The following SYTL3 variants were observed in gnomAD, a reference collection of about 807,000 sequenced individuals.
SYTL3 encodes the protein synaptotagmin like 3.
SYTL3 carries 88 observed loss-of-function variants against 82.1 expected under a neutral mutation model. The observed-to-expected ratio is 1.07, with a 90% CI of 0.90 to 1.28. SYTL3 has a LOEUF of 1.28. Among genes scored for constraint, SYTL3 ranks in the 50% most tolerant of loss-of-function variants. The probability of loss-of-function intolerance (pLI) is 0.00; values close to 1 mark genes in which losing one functional copy is unlikely to be tolerated. For missense variants in SYTL3, 831 were observed against 757.6 expected, an observed-to-expected ratio of 1.10 and a Z score of -1.14; for synonymous variants, 311 against 289.4, an observed-to-expected ratio of 1.07 and a Z score of -0.76.
chr6:158,764,502 C>A lies in SYTL3; in HGVS notation c.1731C>A (p.Asp577Glu), dbSNP rs1790525630. 2 of 1,613,120 alleles carry A rather than the reference C, an allele frequency of 1.2e-6. No homozygotes were observed. The highest frequency in any genetic ancestry group is 1.3e-5 in the African/African-American group (1 of 74,894). Residue 577 changes from aspartate to glutamate, a missense_variant, in exon 18 of 18, where the codon GAC (aspartate) becomes GAA (glutamate). By Grantham distance (45) the Asp-to-Glu change is conservative. Transcript: ENST00000611299. ...LGGTRLGSKGDTAVGGDACSL... is the reference protein window; with the variant it reads ...LGGTRLGSKGETAVGGDACSL... ...TGTCTTCCTCTCTTACAGAGGGAGA[C>A]ACAGCTGTTGGCGGGGATGCATGCT...
At chr6:158,713,760 C>A (rs1032585464) in intron 8 of SYTL3, 40 bp from the exon 9 acceptor site, 5 of 1,437,960 alleles carry the variant, frequency 3.5e-6, no homozygotes, top group South Asian at 1.2e-5. Context: ...CACAAGTCAT[C>A]AAGCATAATT....
At chr6:158,749,505 CTCTTT>C (rs1322304323) in intron 12 of SYTL3, among the ~76,000 whole-genome samples, 1 of 94,316 alleles carries the variant, frequency 1.1e-5, no homozygotes, top group Admixed American at 9.8e-5. Flanking sequence ...TTTTCTTTCT[CTCTTT>C]TTTTTTTTTT....
chr6:158,717,964 A>T, intron 9 of SYTL3, 123 bp from the exon 10 acceptor site: 1 of 873,558 alleles, frequency 1.1e-6, no homozygotes, highest in South Asian at 2.6e-5. Context: ...TCCTCCGTGC[A>T]CTTTGCCCTC....
At chr6:158,737,535 T>C (rs1468848091) in intron 11 of SYTL3, among the ~76,000 whole-genome samples, 1 of 151,922 alleles carries the variant, frequency 6.6e-6, no homozygotes, top group Non-Finnish European at 1.5e-5. Context: ...CTGCCTTGAG[T>C]TTTTCCTTTG....
At chr6:158,681,406 G>A (rs1400158900) in intron 5 of SYTL3, among the ~76,000 whole-genome samples, 6 of 152,136 alleles carry the variant, frequency 3.9e-5, no homozygotes, top group Non-Finnish European at 7.3e-5. Flanking sequence ...AGACCAGTGG[G>A]CCAAACAGGG....
intron 4 of SYTL3, among the ~76,000 whole-genome samples, chr6:158,664,350 G>A (rs1789753321): frequency 6.6e-6 from 1 of 152,156 alleles, no homozygotes; most frequent in Non-Finnish European, 1.5e-5. Flanking sequence ...TTTGAGACCA[G>A]CCTGGCCAAC....
At chr6:158,745,179 T>G (rs925533329) in intron 11 of SYTL3, among the ~76,000 whole-genome samples, 5 of 151,778 alleles carry the variant, frequency 3.3e-5, no homozygotes, top group Admixed American at 3.3e-4. Context: ...CTTGCAGAAT[T>G]GCATAGGAGC....
intron 1 of SYTL3, among the ~76,000 whole-genome samples, chr6:158,651,442 G>A (rs530839260): frequency 6.6e-6 from 1 of 152,068 alleles, no homozygotes; most frequent in South Asian, 2.1e-4. Flanking sequence ...AAAAAAATTA[G>A]CTGGGTGTGG....
chr6:158,761,521 G>A (rs935431160), intron 15 of SYTL3, among the ~76,000 whole-genome samples: 1 of 151,894 alleles, frequency 6.6e-6, no homozygotes, highest in Non-Finnish European at 1.5e-5. Flanking sequence ...TGTTAGCCAG[G>A]ATGGTCTCGA....
At chr6:158,737,574 C>T (rs1363171894) in intron 11 of SYTL3, among the ~76,000 whole-genome samples, 3 of 152,176 alleles carry the variant, frequency 2.0e-5, no homozygotes, top group Non-Finnish European at 4.4e-5. Context: ...TTCTTTCAAA[C>T]CCAGACTGTG....
Position 158,663,568 on chromosome 6 carries a change from G to A in SYTL3, c.110+190G>A, listed in dbSNP as rs916795572. ...CCTTATGTAACTAAACGTAGAGGAC[G>A]CTCAGGAGGAGGAGGGAGGCCGCTC... is the stretch of plus-strand genomic sequence containing the variant. On this transcript the variant is annotated intron_variant, in intron 4 of 17. Transcript: ENST00000611299. 1.3e-5 allele frequency: 13 copies of A among 985,148 alleles called. No homozygotes were observed. The Admixed American group carries it at 2.5e-4, about 19-fold the overall frequency. The allele number at this position is 985,148 out of a possible 1,614,324, so 61.0% of individuals were successfully genotyped here.
chr6:158,709,391 A>G (rs1390135800), intron 8 of SYTL3, among the ~76,000 whole-genome samples: 1 of 152,240 alleles, frequency 6.6e-6, no homozygotes. Flanking sequence ...TTAATAATAC[A>G]AAATAGAAAA....
At chr6:158,700,374 C>T (rs1286528585) in intron 6 of SYTL3, among the ~76,000 whole-genome samples, 1 of 152,124 alleles carries the variant, frequency 6.6e-6, no homozygotes, top group African/African-American at 2.4e-5. Flanking sequence ...ACCTCAGCCT[C>T]CCAAAGTGCT....
intron 10 of SYTL3, among the ~76,000 whole-genome samples, chr6:158,719,214 C>T (rs1467025837): frequency 6.6e-6 from 1 of 152,210 alleles, no homozygotes; most frequent in Non-Finnish European, 1.5e-5. Flanking sequence ...GTACTAATAG[C>T]TTAACTAGGC....
chr6:158,653,106 C>T (rs112459129), intron 2 of SYTL3, among the ~76,000 whole-genome samples: 2,787 of 152,304 alleles, frequency 0.018, 29 homozygotes, highest in Non-Finnish European at 0.028. Context: ...CGTGCTGTCT[C>T]ATTGTTGCAA....
Position 158,665,551 on chromosome 6 carries a change from C to T in SYTL3, c.267C>T (p.Ala89=), listed in dbSNP as rs1310882270. 1 of 1,584,868 alleles carries T rather than the reference C, an allele frequency of 6.3e-7. No individual in the cohort carries two copies. The highest frequency in any genetic ancestry group is 1.9e-5 in the Admixed American group (1 of 53,840). The change falls in exon 5 of 18, where the codon GCC becomes GCT. Residue 89 remains alanine, a synonymous_variant. Transcript: ENST00000611299. The part of the protein sequence containing the change: ...VCRGCSHRVC[A]QCRVFLRGTH... Reference sequence around the variant, plus strand: ...GGGGCTGCAGCCACCGCGTGTGTGCCCAGTGCCGAGTGTTCCTGAGGGGGA... The same window carrying T: ...GGGGCTGCAGCCACCGCGTGTGTGCTCAGTGCCGAGTGTTCCTGAGGGGGA...
At chr6:158,697,700 T>C (rs932252790) in intron 6 of SYTL3, among the ~76,000 whole-genome samples, 3 of 24,600 alleles carry the variant, frequency 1.2e-4, no homozygotes, top group African/African-American at 4.6e-4. Flanking sequence ...CTATATTCAT[T>C]TTTTTTAGAG....
intron 7 of SYTL3, among the ~76,000 whole-genome samples, chr6:158,707,603 G>A (rs982130204): frequency 2.6e-5 from 4 of 152,214 alleles, no homozygotes; most frequent in Admixed American, 6.5e-5. Flanking sequence ...GCAAGCATGT[G>A]CTTTGATTAA....
At chr6:158,701,940 T>A (rs1047379717) in intron 6 of SYTL3, among the ~76,000 whole-genome samples, 1 of 151,894 alleles carries the variant, frequency 6.6e-6, no homozygotes, top group Admixed American at 6.6e-5. Flanking sequence ...TTGTCTCCCC[T>A]CTGTGCCCAT....
Sources: gnomAD v4.1 joint callset for allele counts (sites outside exome capture counted in the v4.1 genomes callset) on GRCh38, gnomAD v4.1.1 for gene constraint, MANE v1.5 for transcripts, NCBI Gene and HGNC (gene_info 2026-07-23, HGNC 2026-07-21) for gene names.